The following PTGR1 variants were observed in gnomAD, a reference collection of about 807,000 sequenced individuals.
The protein encoded by PTGR1 is prostaglandin reductase 1.
PTGR1 carries 23 observed loss-of-function variants against 37.7 expected under a neutral mutation model. The ratio of observed to expected loss-of-function variants is 0.61; its 90% CI spans 0.44 to 0.86. The LOEUF is 0.86. PTGR1 is among the 40% of genes least tolerant of loss of function. PTGR1 has a pLI of 0.00. For synonymous variants in PTGR1, 134 were observed against 140.0 expected (o/e 0.96, Z 0.30); for missense variants, 351 against 394.3 (o/e 0.89, Z 0.93).
downstream of PTGR1, among the ~76,000 whole-genome samples, chr9:111,561,148 GGAGAGA>G (rs527553902): frequency 0.018 from 642 of 34,780 alleles, 19 homozygotes; most frequent in Non-Finnish European, 0.022. Flanking sequence ...GGAGAGAGAG[GGAGAGA>G]GAGAGAGAGA....
At chr9:111,571,684 T>G (rs1828829562) in intron 8 of PTGR1, among the ~76,000 whole-genome samples, 2 of 151,280 alleles carry the variant, frequency 1.3e-5, no homozygotes, top group South Asian at 4.2e-4. Context: ...TTGTTTGTTT[T>G]TTCTGTCAGA....
intron 9 of PTGR1, chr9:111,564,283 ATT>A (rs1828452809): frequency 2.6e-6 from 1 of 384,388 alleles, no homozygotes; most frequent in Non-Finnish European, 3.4e-6. Flanking sequence ...AACTTTTATT[ATT>A]ATTATTATTA....
At chr9:111,591,436 A>G (rs1829619443) in intron 4 of PTGR1, among the ~76,000 whole-genome samples, 1 of 143,660 alleles carries the variant, frequency 7.0e-6, no homozygotes, top group African/African-American at 2.6e-5. Context: ...CAGTGGTGCA[A>G]TCGGCTCACT....
intron 2 of PTGR1, 102 bp from the exon 3 acceptor site, chr9:111,594,369 G>T: frequency 9.7e-7 from 1 of 1,035,630 alleles, no homozygotes. Flanking sequence ...AGGGACAAGG[G>T]TTGAGAAACC....
downstream of PTGR1, among the ~76,000 whole-genome samples, chr9:111,559,966 T>G (rs1226770981): frequency 2.6e-5 from 4 of 152,206 alleles, no homozygotes; most frequent in Non-Finnish European, 4.4e-5. Flanking sequence ...ATTGTTTCAT[T>G]GTACTACAAT....
At chr9:111,580,401 G>A (rs1829243710) in intron 6 of PTGR1, among the ~76,000 whole-genome samples, 4 of 152,106 alleles carry the variant, frequency 2.6e-5, no homozygotes, top group Admixed American at 2.6e-4. Context: ...GCTTTCCTTT[G>A]TCTTATGATC....
At chr9:111,560,964 TATATATATATAGAGAGAG>T (rs1394566735), downstream of PTGR1, among the ~76,000 whole-genome samples, 17 of 48,488 alleles carry the variant, frequency 3.5e-4, 2 homozygotes, top group Admixed American at 3.4e-3. Context: ...TATATATATA[TATATATATATAGAGAGAG>T]AGAGAGAGAG....
intron 5 of PTGR1, among the ~76,000 whole-genome samples, chr9:111,584,381 C>G (rs34492085): frequency 0.15 from 23,104 of 152,118 alleles, 2,204 homozygotes; most frequent in Non-Finnish European, 0.23. Context: ...GGGTACAGGG[C>G]GGGCAGGAAA....
intron 8 of PTGR1, among the ~76,000 whole-genome samples, chr9:111,573,848 G>A (rs1828939655): frequency 6.6e-6 from 1 of 152,150 alleles, no homozygotes; most frequent in East Asian, 1.9e-4. Context: ...TGGAGCGGGA[G>A]GGATGTGGTT....
intron 1 of PTGR1, among the ~76,000 whole-genome samples, chr9:111,597,808 G>A (rs968570725): frequency 3.3e-5 from 5 of 152,142 alleles, no homozygotes; most frequent in South Asian, 2.1e-4. Context: ...CCGGAAGTGC[G>A]AATATTCCAT....
chr9:111,551,400 GTTTTTTTTTTTTT>G (rs58638722), intron 9 of PTGR1, among the ~76,000 whole-genome samples: 1 of 74,430 alleles, frequency 1.3e-5, no homozygotes. Flanking sequence ...TCCAGTTTTT[GTTTTTTTTTTTTT>G]TTTTTTTTTT....
At chr9:111,569,966 G>C in intron 9 of PTGR1, 125 bp downstream of exon 9, 1 of 1,447,102 alleles carries the variant, frequency 6.9e-7, no homozygotes. Flanking sequence ...TAAGCACAAT[G>C]ACCCAATAGG....
At chr9:111,598,008 T>TAA (rs969040160) in intron 1 of PTGR1, among the ~76,000 whole-genome samples, 2 of 145,042 alleles carry the variant, frequency 1.4e-5, no homozygotes, top group Non-Finnish European at 3.0e-5. Flanking sequence ...TTTTTTTTTT[T>TAA]AAATACTTTT....
chr9:111,567,302 C>T (rs1828606984), intron 9 of PTGR1, among the ~76,000 whole-genome samples: 2 of 152,152 alleles, frequency 1.3e-5, no homozygotes, highest in Non-Finnish European at 2.9e-5. Context: ...ATTCTCCTGC[C>T]TCAGCCTCCC....
chr9:111,553,175 G>C (rs186525455), intron 9 of PTGR1, among the ~76,000 whole-genome samples: 548 of 152,214 alleles, frequency 3.6e-3, no homozygotes, highest in Middle Eastern at 0.01. Flanking sequence ...TATCTACTAT[G>C]TATCTTTAAC....
chr9:111,587,744 C>T (rs1473802121), intron 4 of PTGR1, among the ~76,000 whole-genome samples: 1 of 152,076 alleles, frequency 6.6e-6, no homozygotes, highest in Non-Finnish European at 1.5e-5. Context: ...GACACCGCGC[C>T]CGGATGTATT....
intron 7 of PTGR1, chr9:111,577,824 G>C (rs1829125733): frequency 6.6e-6 from 1 of 152,188 alleles, no homozygotes; most frequent in Admixed American, 6.5e-5. Flanking sequence ...CAGCCTAGGT[G>C]ACAGAGTGAG....
At chr9:111,563,863 G>A (rs1356659280) in intron 9 of PTGR1, 2 of 152,480 alleles carry the variant, frequency 1.3e-5, no homozygotes, top group African/African-American at 4.8e-5. Context: ...AATGATCTCA[G>A]AGGAGGTACA....
chr9:111,565,535 G>T (rs1320449855), intron 9 of PTGR1, among the ~76,000 whole-genome samples: 3 of 151,892 alleles, frequency 2.0e-5, no homozygotes, highest in African/African-American at 7.3e-5. Context: ...TTTTATTTTT[G>T]TTTTTGAGAC....
Sources: allele counts gnomAD v4.1 joint callset (sites outside exome capture counted in the v4.1 genomes callset), GRCh38; gene constraint gnomAD v4.1.1; transcripts MANE v1.5; gene names NCBI Gene and HGNC (gene_info 2026-07-23, HGNC 2026-07-21).